Variants in ZFHX3 observed in about 807,000 individuals in gnomAD.
ZFHX3 encodes zinc finger homeobox protein 3.
ZFHX3 carries 42 observed loss-of-function variants against 279.1 expected under a neutral mutation model. That is an observed-to-expected ratio of 0.15 (90% CI 0.12 to 0.19). The LOEUF is 0.19. ZFHX3 is among the 10% of genes least tolerant of loss of function. The pLI, the probability that ZFHX3 is intolerant of heterozygous loss-of-function variation, is 1.00. For synonymous variants in ZFHX3, 2,293 were observed against 1,957.8 expected (o/e 1.17, Z -4.52); for missense variants, 4,981 against 4,754.0 (o/e 1.05, Z -1.40).
chr16:72,792,201 A>G (rs2035730785), intron 9 of ZFHX3, among the ~76,000 whole-genome samples: 1 of 152,222 alleles, frequency 6.6e-6, no homozygotes. Flanking sequence ...ATTAAGTGAG[A>G]CTATAAGAGC....
At chr16:73,587,553 C>T (rs567520553) in intron 2 of ZFHX3, among the ~76,000 whole-genome samples, 3 of 152,188 alleles carry the variant, frequency 2.0e-5, no homozygotes, top group East Asian at 3.9e-4. Flanking sequence ...CATGCCAACA[C>T]TCCACCACAC....
At chr16:73,176,132 C>G (rs1051848657) in intron 5 of ZFHX3, among the ~76,000 whole-genome samples, 2 of 152,182 alleles carry the variant, frequency 1.3e-5, no homozygotes, top group African/African-American at 4.8e-5. Flanking sequence ...ACCTCTAAAC[C>G]ATCTAGCACC....
intron 8 of ZFHX3, among the ~76,000 whole-genome samples, chr16:73,082,424 C>A (rs753794690): frequency 3.3e-5 from 5 of 151,936 alleles, no homozygotes; most frequent in Non-Finnish European, 7.4e-5. Flanking sequence ...CCCGCTACCA[C>A]GCCCGGCTAA....
intron 1 of ZFHX3, among the ~76,000 whole-genome samples, chr16:72,965,137 C>T (rs1246395410): frequency 6.6e-6 from 1 of 152,224 alleles, no homozygotes; most frequent in African/African-American, 2.4e-5. Context: ...CCTCGGCCTC[C>T]CAAAGTGCTG....
At chr16:73,687,360 G>A (rs2053099706) in intron 1 of ZFHX3, among the ~76,000 whole-genome samples, 2 of 150,992 alleles carry the variant, frequency 1.3e-5, no homozygotes, top group East Asian at 4.0e-4. Flanking sequence ...ACCAGCCTGG[G>A]TGACAGAGAG....
intron 5 of ZFHX3, among the ~76,000 whole-genome samples, chr16:73,169,306 T>C (rs560416846): frequency 6.6e-6 from 1 of 152,318 alleles, no homozygotes; most frequent in South Asian, 2.1e-4. Context: ...TTCCTACATT[T>C]CAAGCAGAGC....
intron 1 of ZFHX3, among the ~76,000 whole-genome samples, chr16:73,017,569 C>G (rs566009638): frequency 4.3e-4 from 66 of 152,158 alleles, no homozygotes; most frequent in Non-Finnish European, 8.2e-4. Flanking sequence ...CTAAATAATG[C>G]CTTCTCTTCT....
intron 1 of ZFHX3, among the ~76,000 whole-genome samples, chr16:73,781,348 T>C (rs58987164): frequency 0.042 from 6,465 of 152,300 alleles, 430 homozygotes; most frequent in African/African-American, 0.15. Flanking sequence ...GCCTGATCAT[T>C]TGTGTTTTTA....
chr16:73,779,084 A>T (rs1375556002), intron 1 of ZFHX3, among the ~76,000 whole-genome samples: 2 of 152,202 alleles, frequency 1.3e-5, no homozygotes, highest in African/African-American at 4.8e-5. Flanking sequence ...GCCCCACCAG[A>T]TGGCTCCAGA....
At chr16:73,174,329 C>A (rs1389204704) in intron 5 of ZFHX3, among the ~76,000 whole-genome samples, 1 of 152,000 alleles carries the variant, frequency 6.6e-6, no homozygotes, top group African/African-American at 2.4e-5. Context: ...ATAAGGGCTG[C>A]CAAACCGCAA....
At chr16:73,649,353 T>C (rs2052649965) in intron 2 of ZFHX3, among the ~76,000 whole-genome samples, 1 of 152,188 alleles carries the variant, frequency 6.6e-6, no homozygotes, top group Non-Finnish European at 1.5e-5. Context: ...CAACATGTAA[T>C]CATCATTAAG....
At chr16:72,911,189 T>C (rs966405552) in intron 3 of ZFHX3, among the ~76,000 whole-genome samples, 1 of 152,226 alleles carries the variant, frequency 6.6e-6, no homozygotes. Context: ...AGAATGAGTG[T>C]AGCTTCACAA....
At chr16:73,863,614 A>T (rs1041944231) in intron 1 of ZFHX3, among the ~76,000 whole-genome samples, 20 of 152,290 alleles carry the variant, frequency 1.3e-4, no homozygotes, top group Admixed American at 3.3e-4. Flanking sequence ...TGCATTCTCA[A>T]GTTATTTTAC....
chr16:73,193,484 G>A (rs1450428503), intron 5 of ZFHX3, among the ~76,000 whole-genome samples: 1 of 152,206 alleles, frequency 6.6e-6, no homozygotes, highest in African/African-American at 2.4e-5. Flanking sequence ...CTGGCACCAA[G>A]GAACATGTTG....
At chr16:73,725,989 G>T (rs1010868678) in intron 1 of ZFHX3, among the ~76,000 whole-genome samples, 5 of 152,122 alleles carry the variant, frequency 3.3e-5, no homozygotes, top group African/African-American at 1.2e-4. Flanking sequence ...TAAATAAATA[G>T]GTTTCATTGC....
At chr16:73,030,807 T>A (rs1326028575) in intron 1 of ZFHX3, among the ~76,000 whole-genome samples, 3 of 152,206 alleles carry the variant, frequency 2.0e-5, no homozygotes, top group Non-Finnish European at 4.4e-5. Flanking sequence ...CACGCCCCTC[T>A]CAGCCTTCTC....
chr16:73,362,713 G>A (rs778365431), intron 3 of ZFHX3, among the ~76,000 whole-genome samples: 27 of 152,216 alleles, frequency 1.8e-4, no homozygotes, highest in Non-Finnish European at 3.8e-4. Flanking sequence ...CCTCATGACT[G>A]TATAGTTATG....
At chr16:72,860,909 A>T (rs533152253) in intron 4 of ZFHX3, among the ~76,000 whole-genome samples, 1 of 152,348 alleles carries the variant, frequency 6.6e-6, no homozygotes, top group Admixed American at 6.5e-5. Context: ...TCTGACAGTT[A>T]AAAATAATGC....
chr16:73,154,086 T>G (rs1444447969), intron 5 of ZFHX3, among the ~76,000 whole-genome samples: 3 of 152,072 alleles, frequency 2.0e-5, no homozygotes, highest in Non-Finnish European at 4.4e-5. Flanking sequence ...AGGCGACCAT[T>G]GCGAAAATGT....
Sources: allele counts gnomAD v4.1 joint callset (sites outside exome capture counted in the v4.1 genomes callset), GRCh38; gene constraint gnomAD v4.1.1; transcripts MANE v1.5; gene names NCBI Gene and HGNC (gene_info 2026-07-23, HGNC 2026-07-21).